OR4M1: variants seen among roughly 807,000 people sequenced by gnomAD.
OR4M1 encodes the protein olfactory receptor family 4 subfamily M member 1.
Under a neutral mutation model 9.8 loss-of-function variants are expected in OR4M1, and 7 were observed. The observed-to-expected ratio is 0.71, with a 90% CI of 0.41 to 1.34. The LOEUF is 1.34. Among genes scored for constraint, OR4M1 ranks in the 40% most tolerant of loss-of-function variants. The pLI is 0.01. For missense variants in OR4M1, 331 were observed against 380.4 expected (o/e 0.87, Z 1.08); for synonymous variants, 121 against 139.8 (o/e 0.87, Z 0.95).
rs1469594311 is a variant in OR4M1, at chr14:19,773,557, A to G, written c.-66A>G. 5 of 152,384 alleles carry G rather than the reference A, an allele frequency of 3.3e-5. No homozygotes were observed. Among genetic ancestry groups the G allele is most frequent in the African/African-American group, 1.2e-4 (5 of 41,466 alleles). The allele number at this position is 152,384 out of a possible 1,614,324, so 9.4% of individuals were successfully genotyped here. ...AAGAGGCTTCTTCTACCTCCTCCCC[A>G]TAGTTCCTGAAGGCACCAAGACTGT... On this transcript the variant is annotated 5_prime_UTR_variant, in exon 1 of 2. Transcript: ENST00000641200.
chr14:19,774,500 T>G (rs1425868712), intron 1 of OR4M1, among the ~76,000 whole-genome samples: 1 of 152,250 alleles, frequency 6.6e-6, no homozygotes, highest in African/African-American at 2.4e-5. Flanking sequence ...GAGTTTCTGT[T>G]ATATTTTGCA....
At position 19,780,162 on chromosome 14, in the gene OR4M1, T is replaced by C. The variant is rs1878424845; in HGVS notation, c.-29-132T>C. The C allele has an allele frequency of 5.0e-6, 4 of 799,142 alleles. No individual in the cohort carries two copies. The South Asian group carries it at 8.6e-5, about 17-fold the overall frequency. The allele number at this position is 799,142 out of a possible 1,614,324, so 49.5% of individuals were successfully genotyped here. On this transcript the variant is annotated intron_variant, in intron 1 of 1. Transcript: ENST00000641200. Reference sequence around the variant, plus strand: ...ACTTTCTCTTTCTTGGTTTATCAAATATAAAATGGGCAACCAAATGTATCC... The same window carrying C: ...ACTTTCTCTTTCTTGGTTTATCAAACATAAAATGGGCAACCAAATGTATCC...
At chr14:19,775,538 A>T (rs1238454997) in intron 1 of OR4M1, among the ~76,000 whole-genome samples, 1 of 147,786 alleles carries the variant, frequency 6.8e-6, no homozygotes, top group Non-Finnish European at 1.5e-5. Context: ...CAGCAAATAT[A>T]TATATAATAT....
At position 19,782,411 on chromosome 14, in the gene OR4M1, A is replaced by G. The variant is rs923458003; in HGVS notation, c.*1147A>G. ...CTAGGAAATATTTTCATTGAAGGGCAAGAATGCATTGGGTGTATTAAGCTT... is the reference window on the plus strand; with the variant it reads ...CTAGGAAATATTTTCATTGAAGGGCGAGAATGCATTGGGTGTATTAAGCTT... On this transcript the variant is annotated 3_prime_UTR_variant, in exon 2 of 2. Coordinates refer to ENST00000641200, the MANE Select transcript of OR4M1 (RefSeq NM_001005500.2). 1 of 152,260 alleles carries G rather than the reference A, an allele frequency of 6.6e-6. No individual in the cohort carries two copies. The highest frequency in any genetic ancestry group is 2.4e-5 in the African/African-American group (1 of 41,470). The allele number at this position is 152,260 out of a possible 1,614,324, so 9.4% of individuals were successfully genotyped here.
chr14:19,779,621 C>A (rs34703760), intron 1 of OR4M1, among the ~76,000 whole-genome samples: 39,359 of 148,552 alleles, frequency 0.26, 1,832 homozygotes, highest in South Asian at 0.35. Flanking sequence ...CAATGGTGAG[C>A]AAATTTCATA....
intron 1 of OR4M1, among the ~76,000 whole-genome samples, chr14:19,775,208 T>C (rs1878273350): frequency 6.6e-6 from 1 of 152,258 alleles, no homozygotes; most frequent in East Asian, 1.9e-4. Flanking sequence ...ACCAACTATA[T>C]GCTACTCATG....
chr14:19,779,472 A>T (rs1355254286), intron 1 of OR4M1, among the ~76,000 whole-genome samples: 2 of 152,254 alleles, frequency 1.3e-5, no homozygotes, highest in African/African-American at 4.8e-5. Context: ...TGTCAGGTTC[A>T]ATACAGGGCA....
At chr14:19,779,148 A>C (rs1485792572) in intron 1 of OR4M1, among the ~76,000 whole-genome samples, 8 of 152,196 alleles carry the variant, frequency 5.3e-5, no homozygotes. Flanking sequence ...GGTTCCAAAA[A>C]TGGCGCATTT....
At chr14:19,778,977 C>T (rs781418523) in intron 1 of OR4M1, among the ~76,000 whole-genome samples, 3 of 152,164 alleles carry the variant, frequency 2.0e-5, no homozygotes, top group Non-Finnish European at 4.4e-5. Context: ...AGTATTTTTA[C>T]CTTTCTTCCA....
chr14:19,778,515 A>T (rs548101880), intron 1 of OR4M1, among the ~76,000 whole-genome samples: 1 of 152,364 alleles, frequency 6.6e-6, no homozygotes, highest in South Asian at 2.1e-4. Flanking sequence ...TCTGGTCAAA[A>T]ACTACATGGC....
At chr14:19,774,255 A>C (rs1878247101) in intron 1 of OR4M1, among the ~76,000 whole-genome samples, 1 of 152,262 alleles carries the variant, frequency 6.6e-6, no homozygotes. Flanking sequence ...ATTAGGAATT[A>C]TGTAACAGGG....
At chr14:19,780,098 A>G in intron 1 of OR4M1, 196 bp from the exon 2 acceptor site, 4 of 550,138 alleles carry the variant, frequency 7.3e-6, no homozygotes, top group South Asian at 3.1e-5. Context: ...GCCACACTTC[A>G]TATAGTTTTA....
intron 1 of OR4M1, among the ~76,000 whole-genome samples, chr14:19,776,983 T>C (rs1395709100): frequency 6.9e-6 from 1 of 144,670 alleles, no homozygotes; most frequent in African/African-American, 2.5e-5. Context: ...TCTCTCCAAA[T>C]AGTTATTGCT....
At chr14:19,776,731 T>C (rs1251542211) in intron 1 of OR4M1, among the ~76,000 whole-genome samples, 4 of 152,172 alleles carry the variant, frequency 2.6e-5, no homozygotes, top group Non-Finnish European at 5.9e-5. Flanking sequence ...TCCCAGCCTT[T>C]CTTGGGGTGT....
Position 19,780,798 on chromosome 14 carries a change from A to G in OR4M1, c.476A>G (p.Gln159Arg), listed in dbSNP as rs1417018232. ...GGGGGCTTCATTCATTCTATAATACAGGTGGCTCTCATTGTTCGACTTCCT... is the reference window on the plus strand; with the variant it reads ...GGGGGCTTCATTCATTCTATAATACGGGTGGCTCTCATTGTTCGACTTCCT... The part of the protein sequence containing the change: ...WMGGFIHSII[Q>R]VALIVRLPFC... The change falls in exon 2 of 2, where the codon CAG becomes CGG. Residue 159 changes from glutamine (Q) to arginine (R), a missense_variant. By Grantham distance (43) the Gln-to-Arg change is conservative. Around this residue, in one of 2 missense-constraint regions of OR4M1, gnomAD observed 209 missense variants for 200.0 expected, o/e 1.04. Transcript: ENST00000641200. 6.2e-6 allele frequency: 10 copies of G among 1,614,104 alleles called. No individual in the cohort carries two copies. Among genetic ancestry groups the G allele is most frequent in the Non-Finnish European group, 8.5e-6 (10 of 1,180,044 alleles).
In OR4M1 at chr14:19,777,038, ATATATATATATT is replaced by A. The variant is rs1228058194; in HGVS notation, c.-29-3255_-29-3244del. ...TATATATATATATATATATATATAT[ATATATATATATT>A]GTTTGTTTGTTTTTCCTGTAATGTT... On this transcript the variant is annotated intron_variant, in intron 1 of 1. Transcript: ENST00000641200. Among the ~76,000 whole-genome samples the A allele has an allele frequency of 3.7e-3, 451 of 122,464 alleles. 12 individuals carry two copies. Among genetic ancestry groups the A allele is most frequent in the African/African-American group, 0.011 (369 of 33,018 alleles). 80.3% of individuals were successfully genotyped at this position (122,464 alleles called of 152,430 possible). A position where few individuals can be genotyped will look rare whatever the true frequency, so the allele number is the denominator to read the frequency against.
chr14:19,774,894 TGAGA>T (rs2138426626), intron 1 of OR4M1, among the ~76,000 whole-genome samples: 1 of 152,102 alleles, frequency 6.6e-6, no homozygotes, highest in African/African-American at 2.4e-5. Flanking sequence ...ATGAAGGCAC[TGAGA>T]AATAAAATAA....
chr14:19,774,054 A>G (rs1365462181), intron 1 of OR4M1, among the ~76,000 whole-genome samples: 1 of 152,254 alleles, frequency 6.6e-6, no homozygotes, highest in Non-Finnish European at 1.5e-5. Context: ...GTTCTTCAAG[A>G]TGATCTCTGT....
chr14:19,776,484 T>TTAA (rs1333496663), intron 1 of OR4M1, among the ~76,000 whole-genome samples: 5 of 152,318 alleles, frequency 3.3e-5, no homozygotes, highest in Non-Finnish European at 1.5e-5. Context: ...ATTTTCTAGA[T>TTAA]GTGGTTAAAA....
Sources: allele counts gnomAD v4.1 joint callset (sites outside exome capture counted in the v4.1 genomes callset), GRCh38; gene constraint gnomAD v4.1.1; regional missense constraint gnomAD v4.1.1; transcripts MANE v1.5; gene names NCBI Gene and HGNC (gene_info 2026-07-23, HGNC 2026-07-21).